Variants in NSF observed in about 807,000 individuals in gnomAD.
The protein encoded by NSF is vesicle-fusing ATPase.
A neutral mutation model predicts 50.3 loss-of-function variants in NSF; 14 were observed. That is an observed-to-expected ratio of 0.28 (90% CI 0.18 to 0.44). NSF has a LOEUF of 0.44. Among genes scored for constraint, NSF ranks in the 20% least tolerant of loss-of-function variants. The pLI is 1.00. For synonymous variants in NSF, 109 were observed against 175.7 expected (o/e 0.62, Z 3.00); for missense variants, 218 against 504.3 (o/e 0.43, Z 5.44).
intron 19 of NSF, among the ~76,000 whole-genome samples, chr17:46,753,940 T>C (rs1226955368): frequency 1.2e-4 from 19 of 152,212 alleles, no homozygotes; most frequent in Non-Finnish European, 1.0e-4. Flanking sequence ...TGCTATTCTG[T>C]TAAAACTTGC....
At chr17:46,727,257 G>A (rs1442796080) in intron 16 of NSF, among the ~76,000 whole-genome samples, 8 of 152,116 alleles carry the variant, frequency 5.3e-5, no homozygotes, top group Admixed American at 1.3e-4. Flanking sequence ...AAGAAGACTT[G>A]GTCCTGGCAC....
At chr17:46,659,746 C>CT (rs2058285152) in intron 8 of NSF, among the ~76,000 whole-genome samples, 1 of 145,522 alleles carries the variant, frequency 6.9e-6, no homozygotes, top group South Asian at 2.1e-4. Context: ...GCTAAAAACT[C>CT]TAACAAGAGG....
Position 46,691,822 on chromosome 17 carries a change from G to A in NSF, c.946-1081G>A, listed in dbSNP as rs576532806. On this transcript the variant is annotated intron_variant, in intron 9 of 20. Transcript: ENST00000398238. Reference sequence around the variant, plus strand: ...GGCTGGAGTGCAGTGGTGCAGTCTCGGCTCACTGCAACCTCTGCCTCCTGG... The same window carrying A: ...GGCTGGAGTGCAGTGGTGCAGTCTCAGCTCACTGCAACCTCTGCCTCCTGG... Among the ~76,000 whole-genome samples the A allele has an allele frequency of 5.3e-5, 8 of 151,036 alleles. 1 individual carries two copies. The highest frequency in any genetic ancestry group is 2.0e-4 in the African/African-American group (8 of 40,808).
chr17:46,738,873 A>G (rs1316240160), intron 17 of NSF, among the ~76,000 whole-genome samples: 1 of 152,290 alleles, frequency 6.6e-6, no homozygotes, highest in African/African-American at 2.4e-5. Context: ...AGGCCAAGGC[A>G]GGAGGATCAC....
At chr17:46,676,241 T>TC (rs970327252) in intron 9 of NSF, among the ~76,000 whole-genome samples, 3 of 149,410 alleles carry the variant, frequency 2.0e-5, no homozygotes, top group African/African-American at 7.6e-5. Context: ...TTCTTTTTTT[T>TC]TTTTTTTTGA....
intron 15 of NSF, among the ~76,000 whole-genome samples, chr17:46,720,183 A>G (rs1432662345): frequency 6.6e-6 from 1 of 152,210 alleles, no homozygotes; most frequent in African/African-American, 2.4e-5. Flanking sequence ...TATATAATGT[A>G]GCTGATTTGT....
chr17:46,679,067 A>G (rs1417732917), intron 9 of NSF, among the ~76,000 whole-genome samples: 2 of 152,048 alleles, frequency 1.3e-5, no homozygotes, highest in Non-Finnish European at 2.9e-5. Context: ...TAGAGAGCTT[A>G]CCTAAAGTAT....
At chr17:46,735,956 T>C (rs1461576771) in intron 17 of NSF, among the ~76,000 whole-genome samples, 1 of 151,952 alleles carries the variant, frequency 6.6e-6, no homozygotes, top group Non-Finnish European at 1.5e-5. Flanking sequence ...AAAAAAAGAA[T>C]TGCCTTTGGA....
chr17:46,734,641 T>C (rs577845585), intron 17 of NSF, among the ~76,000 whole-genome samples: 61 of 152,262 alleles, frequency 4.0e-4, no homozygotes, highest in Admixed American at 3.9e-3. Flanking sequence ...GAATGTATAG[T>C]GATCAACTAA....
intron 1 of NSF, among the ~76,000 whole-genome samples, chr17:46,598,692 G>A (rs1205897667): frequency 6.6e-6 from 1 of 152,142 alleles, no homozygotes; most frequent in African/African-American, 2.4e-5. Context: ...ATCAATATCA[G>A]AAGCTTTTGT....
intron 10 of NSF, among the ~76,000 whole-genome samples, chr17:46,693,469 T>C (rs1448456382): frequency 6.6e-6 from 1 of 151,708 alleles, no homozygotes; most frequent in Non-Finnish European, 1.5e-5. Flanking sequence ...AACTTCCTCT[T>C]TTAGCTGTTT....
chr17:46,751,899 G>T (rs909729990), intron 19 of NSF, among the ~76,000 whole-genome samples: 1 of 152,148 alleles, frequency 6.6e-6, no homozygotes, highest in Non-Finnish European at 1.5e-5. Context: ...AAGAGCAGTC[G>T]TTCTTCTGCC....
At chr17:46,716,515 C>T (rs1164587691) in intron 15 of NSF, among the ~76,000 whole-genome samples, 1 of 152,154 alleles carries the variant, frequency 6.6e-6, no homozygotes, top group African/African-American at 2.4e-5. Flanking sequence ...CCTCAGCCTC[C>T]CGAAGTGCTG....
chr17:46,709,274 A>C (rs2058693852), intron 13 of NSF, among the ~76,000 whole-genome samples: 1 of 152,160 alleles, frequency 6.6e-6, no homozygotes, highest in South Asian at 2.1e-4. Context: ...TTTAACAACA[A>C]GTAATTTGGC....
chr17:46,753,651 T>C (rs957825661), intron 19 of NSF, among the ~76,000 whole-genome samples: 5 of 152,210 alleles, frequency 3.3e-5, no homozygotes, highest in South Asian at 2.1e-4. Context: ...GTGGATTTTT[T>C]CCCCAACCCT....
chr17:46,599,982 G>T (rs1598634580), intron 1 of NSF, among the ~76,000 whole-genome samples: 1 of 72,768 alleles, frequency 1.4e-5, no homozygotes, highest in South Asian at 5.1e-4. Flanking sequence ...TTTAGAGGCT[G>T]AGTCTCACTT....
intron 16 of NSF, among the ~76,000 whole-genome samples, chr17:46,727,146 C>A (rs1386515588): frequency 1.3e-5 from 2 of 152,092 alleles, no homozygotes; most frequent in African/African-American, 2.4e-5. Context: ...GATAATAAAT[C>A]TTGAAAAAAT....
intron 16 of NSF, among the ~76,000 whole-genome samples, chr17:46,727,156 T>A (rs1568048849): frequency 6.6e-6 from 1 of 152,136 alleles, no homozygotes; most frequent in African/African-American, 2.4e-5. Context: ...CTTGAAAAAA[T>A]TTTGTAAGTT....
intron 15 of NSF, among the ~76,000 whole-genome samples, chr17:46,724,281 A>C (rs1401383258): frequency 6.6e-6 from 1 of 152,262 alleles, no homozygotes; most frequent in African/African-American, 2.4e-5. Flanking sequence ...ATGAAAGGAC[A>C]ACCCGAAAAT....
Sources: allele counts gnomAD v4.1 joint callset (sites outside exome capture counted in the v4.1 genomes callset), GRCh38; gene constraint gnomAD v4.1.1; transcripts MANE v1.5; gene names NCBI Gene and HGNC (gene_info 2026-07-23, HGNC 2026-07-21).